The following MCM9 variants were observed in gnomAD, a reference collection of about 807,000 sequenced individuals.
MCM9 encodes the protein minichromosome maintenance 9 homologous recombination repair factor, also known as DNA helicase MCM9.
A neutral mutation model predicts 72.8 loss-of-function variants in MCM9; 55 were observed. The ratio of observed to expected loss-of-function variants is 0.76; its 90% CI spans 0.61 to 0.95. MCM9 has a LOEUF of 0.95. Ranked by LOEUF, MCM9 falls within the 40% of genes least tolerant of loss-of-function variation. The pLI is 0.00. For missense variants in MCM9, 1,279 were observed against 1,377.0 expected (o/e 0.93, Z 1.13); for synonymous variants, 480 against 503.4 (o/e 0.95, Z 0.62).
In MCM9 at chr6:118,826,139, T is replaced by A; in HGVS notation, c.1961+8A>T. 2 of 1,543,820 alleles carry A rather than the reference T, an allele frequency of 1.3e-6. No homozygotes were observed. On this transcript the variant is annotated splice_region_variant and intron_variant, in intron 13 of 13. Coordinates refer to ENST00000619706, the MANE Select transcript of MCM9 (RefSeq NM_017696.3). ...CATTGTATGCCTTTCTGGGTTTTCA[T>A]TCCTCACCTTTCAAGTCTTCTAAGC...
intron 8 of MCM9, among the ~76,000 whole-genome samples, chr6:118,906,520 TTG>T (rs1172014389): frequency 6.6e-6 from 1 of 152,222 alleles, no homozygotes; most frequent in Non-Finnish European, 1.5e-5. Flanking sequence ...GATGATATTT[TTG>T]TGTGTAACTC....
At chr6:118,881,605 T>C (rs1583526766) in intron 8 of MCM9, among the ~76,000 whole-genome samples, 1 of 152,302 alleles carries the variant, frequency 6.6e-6, no homozygotes, top group South Asian at 2.1e-4. Flanking sequence ...TGACTGCACT[T>C]AGAAAAACTG....
intron 4 of MCM9, among the ~76,000 whole-genome samples, chr6:118,922,303 A>G (rs1781494395): frequency 6.6e-6 from 1 of 152,224 alleles, no homozygotes; most frequent in South Asian, 2.1e-4. Flanking sequence ...TCCAAATATG[A>G]TCTATATAAT....
rs528433635 is a variant in MCM9, at chr6:118,834,143, T to C, written c.1326-4893A>G. Among the ~76,000 whole-genome samples, 5 of 152,296 alleles carry C rather than the reference T, an allele frequency of 3.3e-5. No individual in the cohort carries two copies. In the East Asian group the frequency reaches 9.6e-4, roughly 29 times the overall value. On this transcript the variant is annotated intron_variant, in intron 9 of 13. Coordinates refer to ENST00000619706, the MANE Select transcript of MCM9 (RefSeq NM_017696.3). ...GTTTTCTGTTCCTGTGTTAGTTTGC[T>C]GAGAATGACGGTTTCCAGCTTCACT...
chr6:118,906,230 G>A (rs1359385161), intron 8 of MCM9, among the ~76,000 whole-genome samples: 1 of 151,968 alleles, frequency 6.6e-6, no homozygotes, highest in African/African-American at 2.4e-5. Flanking sequence ...ATACCAACAC[G>A]CCCAGATAAT....
chr6:118,836,466 G>A (rs534093612), intron 9 of MCM9, among the ~76,000 whole-genome samples: 5 of 152,270 alleles, frequency 3.3e-5, no homozygotes, highest in South Asian at 4.1e-4. Context: ...CTGTGAATCC[G>A]CCTGGTACTG....
chr6:118,922,241 T>C (rs181137629), intron 4 of MCM9, among the ~76,000 whole-genome samples, 155 bp from the exon 5 acceptor site: 62 of 152,334 alleles, frequency 4.1e-4, no homozygotes, highest in African/African-American at 1.5e-3. Flanking sequence ...GAAAACTATG[T>C]CTACTATCAA....
At chr6:118,911,161 T>C (rs145781894) in intron 8 of MCM9, 1 of 985,488 alleles carries the variant, frequency 1.0e-6, no homozygotes, top group East Asian at 1.1e-4. Flanking sequence ...AACTTATGAA[T>C]GAAGCTCCAC....
chr6:118,827,521 T>C (rs1290999068), intron 11 of MCM9, among the ~76,000 whole-genome samples: 1 of 152,162 alleles, frequency 6.6e-6, no homozygotes, highest in Non-Finnish European at 1.5e-5. Flanking sequence ...GTTGCTATAA[T>C]GACAGGGGTG....
At chr6:118,901,773 A>G (rs1779812158) in intron 8 of MCM9, among the ~76,000 whole-genome samples, 2 of 152,204 alleles carry the variant, frequency 1.3e-5, no homozygotes, top group Non-Finnish European at 2.9e-5. Context: ...CAACCCAGCA[A>G]TGTCCCATCA....
chr6:118,931,388 T>C, intron 3 of MCM9, 32 bp downstream of exon 3: 1 of 1,558,388 alleles, frequency 6.4e-7, no homozygotes, highest in Non-Finnish European at 8.8e-7. Flanking sequence ...TTCTAGAAGA[T>C]AGCATGGCAG....
chr6:118,867,204 G>A (rs1173031744), intron 8 of MCM9, among the ~76,000 whole-genome samples: 1 of 152,144 alleles, frequency 6.6e-6, no homozygotes, highest in Non-Finnish European at 1.5e-5. Context: ...GCTGAAGGAA[G>A]AAGACACTAT....
chr6:118,853,323 C>A (rs1396710931), intron 9 of MCM9, among the ~76,000 whole-genome samples: 2 of 152,180 alleles, frequency 1.3e-5, no homozygotes, highest in Admixed American at 6.5e-5. Context: ...AGCTTTATAG[C>A]AAATCTTAAA....
chr6:118,825,285 G>A (rs1286179024), intron 13 of MCM9, among the ~76,000 whole-genome samples: 1 of 152,204 alleles, frequency 6.6e-6, no homozygotes. Flanking sequence ...TATACAAAGT[G>A]CAAGTTTACT....
At chr6:118,857,451 A>G (rs1222840124) in intron 8 of MCM9, among the ~76,000 whole-genome samples, 1 of 152,154 alleles carries the variant, frequency 6.6e-6, no homozygotes, top group Non-Finnish European at 1.5e-5. Flanking sequence ...GTTTCCTAAT[A>G]TATACAAGCC....
chr6:118,841,605 C>T (rs369361367), intron 9 of MCM9, among the ~76,000 whole-genome samples: 55 of 152,270 alleles, frequency 3.6e-4, no homozygotes, highest in African/African-American at 1.1e-3. Context: ...AGGCTTGCAC[C>T]AGAAAACTGA....
At chr6:118,845,358 T>C (rs903413689) in intron 9 of MCM9, among the ~76,000 whole-genome samples, 6 of 151,818 alleles carry the variant, frequency 4.0e-5, no homozygotes, top group African/African-American at 1.5e-4. Flanking sequence ...AGTAGAACAG[T>C]AGTTACGGAG....
chr6:118,881,097 C>T (rs1778259174), intron 8 of MCM9, among the ~76,000 whole-genome samples: 1 of 152,120 alleles, frequency 6.6e-6, no homozygotes, highest in Non-Finnish European at 1.5e-5. Flanking sequence ...CTGTAATGAA[C>T]TCATCTATTT....
intron 9 of MCM9, among the ~76,000 whole-genome samples, chr6:118,843,702 ATG>A (rs1283768565): frequency 2.9e-4 from 13 of 44,822 alleles, no homozygotes; most frequent in African/African-American, 8.5e-4. Flanking sequence ...ATATATATAT[ATG>A]TATGTATATA....
Sources: gnomAD v4.1 joint callset for allele counts (sites outside exome capture counted in the v4.1 genomes callset) on GRCh38, gnomAD v4.1.1 for gene constraint, MANE v1.5 for transcripts, NCBI Gene and HGNC (gene_info 2026-07-23, HGNC 2026-07-21) for gene names.